The following MRAP2 variants were observed in gnomAD, a reference collection of about 807,000 sequenced individuals.
The protein encoded by MRAP2 is melanocortin-2 receptor accessory protein 2.
In MRAP2, 20 loss-of-function variants were observed where a neutral mutation model predicts 17.4. The observed-to-expected ratio is 1.15, with a 90% CI of 0.81 to 1.67. The LOEUF (loss-of-function observed/expected upper bound fraction) is 1.67. Ranked by LOEUF, MRAP2 falls within the 40% of genes most tolerant of loss-of-function variation. The pLI is 0.00. For synonymous variants in MRAP2, 96 were observed against 88.4 expected, an observed-to-expected ratio of 1.09 and a Z score of -0.48; for missense variants, 238 against 240.0, an observed-to-expected ratio of 0.99 and a Z score of 0.05.
rs1562880550 is a variant in MRAP2, at chr6:84,063,006, G to T, written c.227+14G>T. On this transcript the variant is annotated intron_variant, in intron 3 of 3. Coordinates refer to ENST00000257776, the MANE Select transcript of MRAP2 (RefSeq NM_138409.4). ...CCCACACCAAGAGTAAGTTTGGGCT[G>T]TTCCTAAATGTCTCTTAAGCCTCAC... 1 of 1,614,088 alleles carries T rather than the reference G, an allele frequency of 6.2e-7. No individual in the cohort carries two copies. The highest frequency in any genetic ancestry group is 1.1e-5 in the South Asian group (1 of 91,080).
At chr6:84,065,438 C>T (rs930733481) in intron 3 of MRAP2, among the ~76,000 whole-genome samples, 5 of 152,154 alleles carry the variant, frequency 3.3e-5, no homozygotes, top group Admixed American at 2.0e-4. Context: ...TGTAAATATT[C>T]GCACATGCTT....
chr6:84,132,904 G>C, the MRAP2 span, among the ~76,000 whole-genome samples: 2 of 152,080 alleles, frequency 1.3e-5, no homozygotes, highest in African/African-American at 4.8e-5. Flanking sequence ...AGCTGGCAAG[G>C]AGCTGTGTTC....
At chr6:84,130,756 T>G in the MRAP2 span, among the ~76,000 whole-genome samples, 1 of 151,996 alleles carries the variant, frequency 6.6e-6, no homozygotes, top group African/African-American at 2.4e-5. Flanking sequence ...CTTCTCTTCT[T>G]TATTAATTTG....
chr6:84,096,812 G>A, the MRAP2 span, among the ~76,000 whole-genome samples: 1 of 152,114 alleles, frequency 6.6e-6, no homozygotes, highest in Non-Finnish European at 1.5e-5. Flanking sequence ...GCCAGTCAGG[G>A]TAAGATGGCT....
At chr6:84,049,426 G>GA (rs1003623369) in intron 1 of MRAP2, among the ~76,000 whole-genome samples, 3 of 151,248 alleles carry the variant, frequency 2.0e-5, no homozygotes, top group African/African-American at 2.4e-5. Flanking sequence ...CTCCATCTCA[G>GA]AAAAAAAACA....
rs529916428 is a variant in MRAP2, at chr6:84,081,186, G to A, written c.228-7905G>A. Among the ~76,000 whole-genome samples the A allele has an allele frequency of 9.9e-5, 15 of 152,234 alleles. No individual in the cohort carries two copies. The South Asian group carries it at 2.7e-3, about 27-fold the overall frequency. ...ACGTATTGATTGTGAAATTTCAAGT[G>A]CACCATTATCCTGTCAAATGAAAAA... On this transcript the variant is annotated intron_variant, in intron 3 of 3. Coordinates refer to ENST00000257776, the MANE Select transcript of MRAP2 (RefSeq NM_138409.4).
chr6:84,059,441 C>A (rs544394866), intron 2 of MRAP2, among the ~76,000 whole-genome samples: 1 of 152,206 alleles, frequency 6.6e-6, no homozygotes, highest in Non-Finnish European at 1.5e-5. Context: ...TCATGAACCT[C>A]TCTTTCAAGT....
intron 3 of MRAP2, among the ~76,000 whole-genome samples, chr6:84,066,011 A>ACG (rs1454350406): frequency 2.6e-5 from 4 of 151,502 alleles, no homozygotes; most frequent in Non-Finnish European, 5.9e-5. Flanking sequence ...ATAAACACAC[A>ACG]CACACACACA....
At chr6:84,042,853 G>C (rs2099487993) in intron 1 of MRAP2, among the ~76,000 whole-genome samples, 1 of 152,226 alleles carries the variant, frequency 6.6e-6, no homozygotes, top group African/African-American at 2.4e-5. Flanking sequence ...TTCTACTGCT[G>C]TGTCTCAAGC....
At position 84,089,579 on chromosome 6, in the gene MRAP2, G is replaced by A; in HGVS notation, c.*98G>A. The A allele has an allele frequency of 7.4e-7, 1 of 1,349,664 alleles. No individual in the cohort carries two copies. The highest frequency in any genetic ancestry group is 2.1e-5 in the Admixed American group (1 of 47,592). 83.6% of individuals were successfully genotyped at this position (1,349,664 alleles called of 1,614,324 possible). A position where few individuals can be genotyped will look rare whatever the true frequency, so the allele number is the denominator to read the frequency against. Reference sequence around the variant, plus strand: ...CAAAATTGTGTGTGTTTGGGGGAGAGAGAGACATAGAGATAGAGACAGAGA... The same window carrying A: ...CAAAATTGTGTGTGTTTGGGGGAGAAAGAGACATAGAGATAGAGACAGAGA... On this transcript the variant is annotated 3_prime_UTR_variant, in exon 4 of 4. Coordinates refer to ENST00000257776, the MANE Select transcript of MRAP2 (RefSeq NM_138409.4).
intron 3 of MRAP2, among the ~76,000 whole-genome samples, chr6:84,081,683 G>T (rs575562384): frequency 6.6e-6 from 1 of 152,204 alleles, no homozygotes; most frequent in Non-Finnish European, 1.5e-5. Flanking sequence ...GCCGAGGGTG[G>T]TGACACATGC....
At chr6:84,096,372 T>C in the MRAP2 span, among the ~76,000 whole-genome samples, 3 of 152,098 alleles carry the variant, frequency 2.0e-5, no homozygotes, top group African/African-American at 4.8e-5. Context: ...TTAACACAAA[T>C]GTTGTTCGAC....
At chr6:84,070,449 C>A (rs1027476565) in intron 3 of MRAP2, among the ~76,000 whole-genome samples, 1 of 152,114 alleles carries the variant, frequency 6.6e-6, no homozygotes, top group Non-Finnish European at 1.5e-5. Context: ...CTACTGTGAT[C>A]TGAAAGAGTA....
chr6:84,108,751 T>A, the MRAP2 span, among the ~76,000 whole-genome samples: 25 of 152,334 alleles, frequency 1.6e-4, no homozygotes, highest in African/African-American at 5.8e-4. Context: ...TCTTTGACCA[T>A]GTTTATGTCC....
chr6:84,033,827 C>T lies in MRAP2; in HGVS notation c.-64C>T, dbSNP rs943897394. The T allele has an allele frequency of 3.1e-6, 3 of 977,820 alleles. No homozygotes were observed. The highest frequency in any genetic ancestry group is 2.0e-5 in the African/African-American group (1 of 49,454). The allele number at this position is 977,820 out of a possible 1,614,324, so 60.6% of individuals were successfully genotyped here. A position where few individuals can be genotyped will look rare whatever the true frequency, so the allele number is the denominator to read the frequency against. On this transcript the variant is annotated 5_prime_UTR_variant, in exon 1 of 4. Coordinates refer to ENST00000257776, the MANE Select transcript of MRAP2 (RefSeq NM_138409.4). ...CGGCGGCGGCGGCGCTCGCGCACCT[C>T]GGAGGAGCCAGGAGCCGGAACCAGG...
intron 3 of MRAP2, among the ~76,000 whole-genome samples, chr6:84,073,246 G>T (rs569328902): frequency 6.6e-6 from 1 of 152,136 alleles, no homozygotes; most frequent in East Asian, 1.9e-4. Context: ...CCCAGCGAGC[G>T]CCCAGGGCCT....
intron 1 of MRAP2, among the ~76,000 whole-genome samples, chr6:84,047,277 G>A (rs2099489280): frequency 6.6e-6 from 1 of 151,946 alleles, no homozygotes; most frequent in South Asian, 2.1e-4. Flanking sequence ...TGCAGTCTCT[G>A]CCTCCCAGGT....
At chr6:84,053,078 G>A (rs969233289) in intron 1 of MRAP2, among the ~76,000 whole-genome samples, 4 of 152,162 alleles carry the variant, frequency 2.6e-5, no homozygotes, top group Non-Finnish European at 5.9e-5. Context: ...TGTGGAACCT[G>A]GTAGCCACAA....
chr6:84,116,067 G>C, the MRAP2 span, among the ~76,000 whole-genome samples: 1 of 152,070 alleles, frequency 6.6e-6, no homozygotes, highest in Non-Finnish European at 1.5e-5. Context: ...CATGTCATCT[G>C]CAAACAAAAA....
Sources: allele counts gnomAD v4.1 joint callset (sites outside exome capture counted in the v4.1 genomes callset), GRCh38; gene constraint gnomAD v4.1.1; transcripts MANE v1.5; gene names NCBI Gene and HGNC (gene_info 2026-07-23, HGNC 2026-07-21).